ROBO1: variants seen among roughly 807,000 people sequenced by gnomAD.
ROBO1 encodes the protein roundabout guidance receptor 1.
A neutral mutation model predicts 195.9 loss-of-function variants in ROBO1; 149 were observed. The observed-to-expected ratio is 0.76, with a 90% CI of 0.67 to 0.87. The LOEUF (loss-of-function observed/expected upper bound fraction) is 0.87, where lower values mean the gene tolerates loss of function less well. Among genes scored for constraint, ROBO1 ranks in the 40% least tolerant of loss-of-function variants. The pLI is 0.00. For missense variants in ROBO1, 1,933 were observed against 2,068.3 expected (o/e 0.93, Z 1.27); for synonymous variants, 816 against 733.2 (o/e 1.11, Z -1.82).
At chr3:78,907,238 T>C (rs2037976867) in intron 4 of ROBO1, among the ~76,000 whole-genome samples, 1 of 152,016 alleles carries the variant, frequency 6.6e-6, no homozygotes, top group Non-Finnish European at 1.5e-5. Context: ...GATTTTGACC[T>C]TGTTGGCCCC....
intron 2 of ROBO1, among the ~76,000 whole-genome samples, chr3:79,560,555 A>ATG (rs1942877797): frequency 7.9e-6 from 1 of 126,912 alleles, no homozygotes; most frequent in African/African-American, 3.0e-5. Context: ...ATATATATAT[A>ATG]TATACACATA....
chr3:79,010,490 T>A (rs186247679), intron 3 of ROBO1, among the ~76,000 whole-genome samples: 1 of 152,274 alleles, frequency 6.6e-6, no homozygotes, highest in Admixed American at 6.5e-5. Context: ...TTAGGCATTA[T>A]CAGTATTACC....
At chr3:79,349,105 C>T (rs750746506) in intron 2 of ROBO1, among the ~76,000 whole-genome samples, 35 of 151,886 alleles carry the variant, frequency 2.3e-4, no homozygotes, top group Admixed American at 1.7e-3. Flanking sequence ...TCTTTACATA[C>T]GAAAGTAAAA....
Position 79,491,222 on chromosome 3 carries a change from CTTT to C in ROBO1, c.88+98599_88+98601del, listed in dbSNP as rs10612189. Among the ~76,000 whole-genome samples the C allele has an allele frequency of 8.3e-3, 1,192 of 144,246 alleles. 24 individuals carry two copies. The highest frequency in any genetic ancestry group is 0.028 in the African/African-American group (1,101 of 39,538). The allele number at this position is 144,246 out of a possible 152,430, so 94.6% of individuals were successfully genotyped here. Reference sequence around the variant, plus strand: ...GGAAAGGGGTGGACGGGGATCGGCTCTTTTTTTTTTTTTTTCCAGTTTTTAACT... The same window carrying C: ...GGAAAGGGGTGGACGGGGATCGGCTCTTTTTTTTTTTTCCAGTTTTTAACT... On this transcript the variant is annotated intron_variant, in intron 2 of 30. Coordinates refer to ENST00000464233, the MANE Select transcript of ROBO1 (RefSeq NM_002941.4).
intron 25 of ROBO1, among the ~76,000 whole-genome samples, chr3:78,627,825 C>G (rs1350063641): frequency 6.6e-6 from 1 of 152,158 alleles, no homozygotes; most frequent in Non-Finnish European, 1.5e-5. Flanking sequence ...ATTCACTTAA[C>G]ATGGCTTAAT....
intron 2 of ROBO1, among the ~76,000 whole-genome samples, chr3:79,366,446 T>G (rs1189348971): frequency 2.0e-5 from 3 of 152,222 alleles, no homozygotes; most frequent in South Asian, 2.1e-4. Context: ...AGCCTCCTCT[T>G]TCTGACTTTG....
intron 4 of ROBO1, among the ~76,000 whole-genome samples, chr3:78,847,657 C>T (rs1421078399): frequency 6.6e-6 from 1 of 152,116 alleles, no homozygotes; most frequent in East Asian, 1.9e-4. Flanking sequence ...CTTAACAACT[C>T]AGTTAGGTAG....
intron 23 of ROBO1, chr3:78,634,570 G>A (rs904657866): frequency 5.3e-5 from 15 of 285,208 alleles, no homozygotes; most frequent in Non-Finnish European, 1.0e-4. Context: ...ATAAATCAGA[G>A]TTCTGAAATA....
intron 2 of ROBO1, among the ~76,000 whole-genome samples, chr3:79,218,496 C>T (rs1178172015): frequency 6.6e-6 from 1 of 151,900 alleles, no homozygotes; most frequent in African/African-American, 2.4e-5. Context: ...ATGCATCTCT[C>T]TTATACTGAA....
In ROBO1 at chr3:78,919,292, T is replaced by C. The variant is rs137869275; in HGVS notation, c.499+19309A>G. Reference sequence around the variant, plus strand: ...AGGCCAGACTGAAATACTAGTACTTTCACATCACTGAAAGTTACTGGCCAG... The same window carrying C: ...AGGCCAGACTGAAATACTAGTACTTCCACATCACTGAAAGTTACTGGCCAG... On this transcript the variant is annotated intron_variant, in intron 4 of 30. Transcript: ENST00000464233. 8.3e-3 allele frequency among the ~76,000 whole-genome samples: 1,268 copies of C among 152,266 alleles called. 10 individuals carry two copies. Among genetic ancestry groups the C allele is most frequent in the South Asian group, 0.021 (103 of 4,822 alleles).
At chr3:78,726,417 C>T (rs9837496) in intron 5 of ROBO1, among the ~76,000 whole-genome samples, 65,153 of 151,914 alleles carry the variant, frequency 0.43, 14,875 homozygotes, top group Middle Eastern at 0.53. Flanking sequence ...AAGGGCTTGA[C>T]GAGTGGGATT....
chr3:78,792,853 A>C (rs1374117446), intron 4 of ROBO1, among the ~76,000 whole-genome samples: 2 of 152,130 alleles, frequency 1.3e-5, no homozygotes, highest in South Asian at 2.1e-4. Flanking sequence ...TAATCACAGC[A>C]CTTTGGAAGG....
intron 4 of ROBO1, among the ~76,000 whole-genome samples, chr3:78,830,624 T>A (rs1295186446): frequency 6.6e-6 from 1 of 152,182 alleles, no homozygotes; most frequent in Non-Finnish European, 1.5e-5. Context: ...TAACTCACTA[T>A]CATGAGAGCA....
intron 2 of ROBO1, among the ~76,000 whole-genome samples, chr3:79,129,732 C>T (rs1289874207): frequency 4.6e-5 from 7 of 152,134 alleles, no homozygotes; most frequent in Admixed American, 4.6e-4. Flanking sequence ...CATTACCTTA[C>T]ACACCCATCA....
intron 4 of ROBO1, among the ~76,000 whole-genome samples, chr3:78,879,496 TGAA>T (rs1265582917): frequency 7.9e-5 from 12 of 151,444 alleles, no homozygotes; most frequent in Non-Finnish European, 1.6e-4. Flanking sequence ...TAAAAATTCA[TGAA>T]CATCATTACC....
At chr3:79,497,706 T>C (rs1409119633) in intron 2 of ROBO1, among the ~76,000 whole-genome samples, 1 of 152,226 alleles carries the variant, frequency 6.6e-6, no homozygotes, top group African/African-American at 2.4e-5. Flanking sequence ...ACTTTAAAGA[T>C]AGGCAGTTGA....
chr3:79,757,840 C>T (rs377636985), intron 1 of ROBO1, among the ~76,000 whole-genome samples: 14 of 152,132 alleles, frequency 9.2e-5, no homozygotes, highest in African/African-American at 3.4e-4. Flanking sequence ...TTTTATAGCC[C>T]AGTGTCTTAA....
chr3:79,417,269 T>C (rs2038043444), intron 2 of ROBO1, among the ~76,000 whole-genome samples: 1 of 152,114 alleles, frequency 6.6e-6, no homozygotes. Context: ...CCAGCCACCA[T>C]ATTGTGAGAA....
intron 2 of ROBO1, among the ~76,000 whole-genome samples, chr3:79,239,447 T>C (rs1475420065): frequency 6.6e-6 from 1 of 152,244 alleles, no homozygotes; most frequent in Non-Finnish European, 1.5e-5. Flanking sequence ...GAAGACTTAA[T>C]TGAATACTTT....
Sources: gnomAD v4.1 joint callset for allele counts (sites outside exome capture counted in the v4.1 genomes callset) on GRCh38, gnomAD v4.1.1 for gene constraint, MANE v1.5 for transcripts, NCBI Gene and HGNC (gene_info 2026-07-23, HGNC 2026-07-21) for gene names.